Variants in CAP2 observed in about 807,000 individuals in gnomAD.
CAP2 encodes cyclase associated actin cytoskeleton regulatory protein 2, also known as adenylyl cyclase-associated protein 2.
A neutral mutation model predicts 57.7 loss-of-function variants in CAP2; 24 were observed. That is an observed-to-expected ratio of 0.42 (90% confidence interval 0.30 to 0.58). CAP2 has a LOEUF of 0.58. Ranked by LOEUF, CAP2 falls within the 20% of genes least tolerant of loss-of-function variation. The pLI, the probability that CAP2 is intolerant of heterozygous loss-of-function variation, is 0.22. For synonymous variants in CAP2, 194 were observed against 207.2 expected, an observed-to-expected ratio of 0.94 and a Z score of 0.55; for missense variants, 501 against 590.3, an observed-to-expected ratio of 0.85 and a Z score of 1.57.
intron 7 of CAP2, among the ~76,000 whole-genome samples, chr6:17,526,181 G>A (rs919285432): frequency 2.6e-5 from 4 of 150,980 alleles, no homozygotes; most frequent in African/African-American, 9.7e-5. Context: ...GCAGTGGTGT[G>A]AACTCAGCTC....
At chr6:17,461,047 G>A (rs1760706698) in intron 3 of CAP2, among the ~76,000 whole-genome samples, 1 of 152,114 alleles carries the variant, frequency 6.6e-6, no homozygotes, top group Non-Finnish European at 1.5e-5. Context: ...TACTCAGGAG[G>A]CTGAGGCAGG....
At chr6:17,496,033 G>GTGT (rs1554127022) in intron 4 of CAP2, among the ~76,000 whole-genome samples, 1 of 126,688 alleles carries the variant, frequency 7.9e-6, no homozygotes, top group Non-Finnish European at 1.6e-5. Context: ...TGGGTGGGGG[G>GTGT]GGGGGGTAAG....
chr6:17,471,099 C>T (rs1306928711), intron 4 of CAP2, among the ~76,000 whole-genome samples: 1 of 152,198 alleles, frequency 6.6e-6, no homozygotes, highest in East Asian at 1.9e-4. Context: ...TGACTGATCT[C>T]AGAGCATACC....
intron 3 of CAP2, among the ~76,000 whole-genome samples, chr6:17,455,205 C>G (rs553141822): frequency 6.6e-6 from 1 of 152,008 alleles, no homozygotes; most frequent in African/African-American, 2.4e-5. Flanking sequence ...TAAGGAGACT[C>G]AAGCATGAGC....
chr6:17,420,269 C>A (rs972257025), intron 1 of CAP2, among the ~76,000 whole-genome samples: 1 of 152,210 alleles, frequency 6.6e-6, no homozygotes, highest in Non-Finnish European at 1.5e-5. Flanking sequence ...CTCTACAAAC[C>A]ACCCCACCTA....
At chr6:17,535,352 G>T (rs1207177240) in intron 7 of CAP2, among the ~76,000 whole-genome samples, 8 of 148,876 alleles carry the variant, frequency 5.4e-5, no homozygotes, top group Non-Finnish European at 1.2e-4. Flanking sequence ...TCGGCTCACT[G>T]CAACCTCTGC....
At chr6:17,400,115 A>G (rs2113498798) in intron 1 of CAP2, among the ~76,000 whole-genome samples, 1 of 152,214 alleles carries the variant, frequency 6.6e-6, no homozygotes, top group Non-Finnish European at 1.5e-5. Context: ...AGTCCCAGCT[A>G]CTTGGGAGGC....
chr6:17,519,458 T>C (rs1581590120), intron 7 of CAP2, among the ~76,000 whole-genome samples: 1 of 152,296 alleles, frequency 6.6e-6, no homozygotes, highest in East Asian at 1.9e-4. Context: ...TGAGCTTTTT[T>C]CCAACTTATT....
chr6:17,537,034 A>G (rs1762789648), intron 7 of CAP2, among the ~76,000 whole-genome samples: 1 of 152,214 alleles, frequency 6.6e-6, no homozygotes, highest in Non-Finnish European at 1.5e-5. Context: ...AACAAAGACT[A>G]TTGCAAATTA....
chr6:17,501,206 A>T (rs2113648971), intron 4 of CAP2, among the ~76,000 whole-genome samples: 1 of 152,288 alleles, frequency 6.6e-6, no homozygotes, highest in East Asian at 1.9e-4. Flanking sequence ...AATCATTCTT[A>T]TGGTTTGAAT....
rs1760762013 is a variant in CAP2, at chr6:17,462,844, G to A, written c.223-152G>A. ...TGTTCCCATGTTTTGGTTATTATAT[G>A]ATGCTGTTACGAACATTCATTTACA... On this transcript the variant is annotated intron_variant, in intron 3 of 12. Transcript: ENST00000229922. The A allele has an allele frequency of 2.4e-5, 15 of 630,706 alleles. No homozygotes were observed. The South Asian group carries it at 2.9e-4, about 12-fold the overall frequency. 39.1% of individuals were successfully genotyped at this position (630,706 alleles called of 1,614,324 possible).
At chr6:17,490,955 G>A (rs957951635) in intron 4 of CAP2, among the ~76,000 whole-genome samples, 4 of 152,190 alleles carry the variant, frequency 2.6e-5, no homozygotes, top group Non-Finnish European at 5.9e-5. Context: ...TCCCGTGCAA[G>A]TAAACTCTTC....
chr6:17,437,694 C>T (rs908681040), intron 3 of CAP2, among the ~76,000 whole-genome samples: 1 of 151,426 alleles, frequency 6.6e-6, no homozygotes, highest in Non-Finnish European at 1.5e-5. Flanking sequence ...CTGGCCAACA[C>T]GGTGAAACCC....
chr6:17,492,733 T>C (rs1409971588), intron 4 of CAP2, among the ~76,000 whole-genome samples: 1 of 152,194 alleles, frequency 6.6e-6, no homozygotes, highest in African/African-American at 2.4e-5. Flanking sequence ...CTTTTTTACA[T>C]TAATAAAATC....
chr6:17,515,195 T>C (rs753291363), intron 7 of CAP2, among the ~76,000 whole-genome samples: 41 of 145,780 alleles, frequency 2.8e-4, no homozygotes, highest in Non-Finnish European at 5.0e-4. Flanking sequence ...AGACTCTGTC[T>C]CAAAAAAAAA....
intron 7 of CAP2, among the ~76,000 whole-genome samples, chr6:17,521,706 C>T (rs1195016017): frequency 2.0e-5 from 3 of 152,068 alleles, no homozygotes; most frequent in Non-Finnish European, 1.5e-5. Flanking sequence ...CTAGGGAATC[C>T]ACACAAGGCA....
chr6:17,555,189 C>G (rs1405707500), intron 12 of CAP2, among the ~76,000 whole-genome samples: 1 of 151,994 alleles, frequency 6.6e-6, no homozygotes, highest in Non-Finnish European at 1.5e-5. Flanking sequence ...GATCCTGAAT[C>G]AGAATCTGCA....
intron 3 of CAP2, among the ~76,000 whole-genome samples, chr6:17,436,601 C>T (rs1378694231): frequency 1.3e-5 from 2 of 152,140 alleles, no homozygotes; most frequent in East Asian, 1.9e-4. Flanking sequence ...CAGAACCTTC[C>T]GCAGAGAGAC....
At chr6:17,412,830 T>C (rs1439814565) in intron 1 of CAP2, among the ~76,000 whole-genome samples, 1 of 151,960 alleles carries the variant, frequency 6.6e-6, no homozygotes, top group Non-Finnish European at 1.5e-5. Context: ...GGCGAGGAAA[T>C]TGTATATGTG....
Sources: allele counts gnomAD v4.1 joint callset (sites outside exome capture counted in the v4.1 genomes callset), GRCh38; gene constraint gnomAD v4.1.1; transcripts MANE v1.5; gene names NCBI Gene and HGNC (gene_info 2026-07-23, HGNC 2026-07-21).